The following IREB2 variants were observed in gnomAD, a reference collection of about 807,000 sequenced individuals.
IREB2 encodes the protein iron-responsive element-binding protein 2.
IREB2 carries 39 observed loss-of-function variants against 118.8 expected under a neutral mutation model. The observed-to-expected ratio is 0.33, with a 90% CI of 0.25 to 0.43. IREB2 has a LOEUF of 0.43. IREB2 is among the 20% of genes least tolerant of loss of function. The pLI is 1.00. For missense variants in IREB2, 900 were observed against 1,147.3 expected, an observed-to-expected ratio of 0.78 and a Z score of 3.11; for synonymous variants, 372 against 392.2, an observed-to-expected ratio of 0.95 and a Z score of 0.61.
In IREB2 at chr15:78,466,446, A is replaced by G. The variant is rs1345933538; in HGVS notation, c.586A>G (p.Asn196Asp). 6.2e-7 allele frequency: 1 copy of G among 1,614,160 alleles called. No individual in the cohort carries two copies. The highest frequency in any genetic ancestry group is 8.5e-7 in the Non-Finnish European group (1 of 1,180,010). ...NSGTFSSQIE[N>D]TPILCPFHLQ... The stretch of plus-strand genomic sequence containing the variant: ...AGGAACATTTTCTTCGCAGATTGAG[A>G]ATACACCCATCCTGTGTCCTTTTCA... Residue 196 changes from asparagine (N) to aspartate (D), a missense_variant, in exon 5 of 22, where the codon AAT becomes GAT. Physicochemically the swap from Asn to Asp is conservative, Grantham distance 23. Coordinates refer to ENST00000258886, the MANE Select transcript of IREB2 (RefSeq NM_004136.4).
In IREB2 at chr15:78,460,784, A is replaced by G. The variant is rs546812712; in HGVS notation, c.107-2138A>G. 2.0e-3 allele frequency among the ~76,000 whole-genome samples: 304 copies of G among 152,310 alleles called. 1 individual carries two copies. The highest frequency in any genetic ancestry group is 6.8e-3 in the African/African-American group (284 of 41,558). On this transcript the variant is annotated intron_variant, in intron 2 of 21. Transcript: ENST00000258886. ...ATCATGAGTTCGTATCCATGTTTAT[A>G]ATTGAAATGTAAGGACTTAACTTGG...
At chr15:78,466,630 T>A in intron 5 of IREB2, 141 bp downstream of exon 5, 1 of 622,016 alleles carries the variant, frequency 1.6e-6, no homozygotes, top group South Asian at 2.0e-5. Flanking sequence ...ATGTATTTCC[T>A]GTTATACTAA....
At chr15:78,476,159 G>T in intron 8 of IREB2, 29 bp from the exon 9 acceptor site, 2 of 1,493,870 alleles carry the variant, frequency 1.3e-6, no homozygotes, top group Non-Finnish European at 1.8e-6. Flanking sequence ...TTGCAATTTT[G>T]TATGTGTTTC....
chr15:78,478,804 T>C (rs2051519437), intron 10 of IREB2, among the ~76,000 whole-genome samples: 1 of 152,156 alleles, frequency 6.6e-6, no homozygotes, highest in Non-Finnish European at 1.5e-5. Context: ...TTGGGCAATT[T>C]ATTTAGCCTT....
At chr15:78,495,381 G>T (rs1253304689) in intron 20 of IREB2, among the ~76,000 whole-genome samples, 2 of 152,126 alleles carry the variant, frequency 1.3e-5, no homozygotes, top group Non-Finnish European at 2.9e-5. Flanking sequence ...TATATGGCAG[G>T]TGATGCTTGG....
At chr15:78,444,326 A>C (rs2050893252) in intron 2 of IREB2, among the ~76,000 whole-genome samples, 1 of 152,122 alleles carries the variant, frequency 6.6e-6, no homozygotes, top group East Asian at 1.9e-4. Flanking sequence ...AGCATAATGG[A>C]AACATGAATG....
intron 18 of IREB2, among the ~76,000 whole-genome samples, chr15:78,493,428 A>G (rs949285487): frequency 6.6e-6 from 1 of 152,228 alleles, no homozygotes; most frequent in African/African-American, 2.4e-5. Flanking sequence ...AAATCGATGT[A>G]TAAGTGGACC....
chr15:78,452,344 G>C (rs1185565495), intron 2 of IREB2, among the ~76,000 whole-genome samples: 1 of 152,128 alleles, frequency 6.6e-6, no homozygotes, highest in Admixed American at 6.5e-5. Flanking sequence ...GAACATACCA[G>C]TATTAAAGTA....
chr15:78,452,182 G>A (rs12916396), intron 2 of IREB2, among the ~76,000 whole-genome samples: 32,371 of 152,022 alleles, frequency 0.21, 4,043 homozygotes, highest in East Asian at 0.33. Flanking sequence ...TAGGAGAGAG[G>A]CATTGAGGAA....
At chr15:78,469,513 C>A (rs1213830383) in intron 5 of IREB2, among the ~76,000 whole-genome samples, 1 of 151,598 alleles carries the variant, frequency 6.6e-6, no homozygotes, top group East Asian at 1.9e-4. Context: ...CACCTGAGAT[C>A]GGGAGTTTGA....
At chr15:78,485,599 C>A (rs2051645928) in intron 12 of IREB2, 106 bp from the exon 13 acceptor site, 6 of 1,141,760 alleles carry the variant, frequency 5.3e-6, no homozygotes, top group Non-Finnish European at 7.4e-6. Context: ...TTTATGAATT[C>A]ATACTTTAAT....
chr15:78,465,697 C>T (rs371591951), intron 4 of IREB2, among the ~76,000 whole-genome samples: 5 of 151,766 alleles, frequency 3.3e-5, no homozygotes, highest in East Asian at 3.9e-4. Flanking sequence ...CAGAAAGAAT[C>T]GAAAGATGTG....
At chr15:78,460,139 G>A (rs976798478) in intron 2 of IREB2, among the ~76,000 whole-genome samples, 8 of 152,130 alleles carry the variant, frequency 5.3e-5, no homozygotes, top group Admixed American at 2.0e-4. Flanking sequence ...TTGTAAGCGC[G>A]CCATCCACAT....
Position 78,455,841 on chromosome 15 carries a change from G to A in IREB2, c.107-7081G>A, listed in dbSNP as rs1015634566. On this transcript the variant is annotated intron_variant, in intron 2 of 21. Transcript: ENST00000258886. ...ACCAAAAGCAACAGTAAAGATTTAT[G>A]ACAGTCACAGTTTCTGTAGGTCAGG... is the stretch of plus-strand genomic sequence containing the variant. Among the ~76,000 whole-genome samples the A allele has an allele frequency of 7.2e-5, 11 of 152,308 alleles. 1 individual carries two copies. The South Asian group carries it at 2.3e-3, about 32-fold the overall frequency.
chr15:78,438,251 C>G lies in IREB2; in HGVS notation c.-87C>G, dbSNP rs1268990242. The G allele has an allele frequency of 1.9e-6, 2 of 1,045,504 alleles. No homozygotes were observed. The highest frequency in any genetic ancestry group is 2.9e-6 in the Non-Finnish European group (2 of 684,674). The allele number at this position is 1,045,504 out of a possible 1,614,324, so 64.8% of individuals were successfully genotyped here. On this transcript the variant is annotated 5_prime_UTR_variant, in exon 1 of 22. Coordinates refer to ENST00000258886, the MANE Select transcript of IREB2 (RefSeq NM_004136.4). ...CCTTCTTTCCTCCCTTGCCAGTCCG[C>G]CTGTCTTCCTCCCCGTCTTCCCTGC...
At chr15:78,483,274 G>T in intron 10 of IREB2, 44 bp from the exon 11 acceptor site, 1 of 910,024 alleles carries the variant, frequency 1.1e-6, no homozygotes, top group South Asian at 1.4e-5. Flanking sequence ...CTGTCGTAAG[G>T]AATTAATTCT....
At chr15:78,497,072 CAAT>C in intron 20 of IREB2, 51 bp from the exon 21 acceptor site, 1 of 1,432,198 alleles carries the variant, frequency 7.0e-7, no homozygotes, top group South Asian at 1.2e-5. Flanking sequence ...TTTAAATGCT[CAAT>C]AAATAACTTT....
chr15:78,439,791 TCAGGATACG>T lies in IREB2; in HGVS notation c.20-2_26del. On this transcript the variant is annotated splice_acceptor_variant and splice_polypyrimidine_tract_variant and coding_sequence_variant and intron_variant, in exon 2 of 22. Coordinates refer to ENST00000258886, the MANE Select transcript of IREB2 (RefSeq NM_004136.4). LOFTEE classifies it high-confidence loss of function. ...ATTTAATGAAAATACAATTTTTTTT[TCAGGATACG>T]CCTTTGAGTACCTTATTGAAACATT... The T allele has an allele frequency of 6.5e-7, 1 of 1,542,214 alleles. No homozygotes were observed. Among genetic ancestry groups the T allele is most frequent in the Admixed American group, 1.9e-5 (1 of 51,372 alleles).
chr15:78,475,972 A>G, intron 8 of IREB2: 2 of 377,198 alleles, frequency 5.3e-6, no homozygotes, highest in Non-Finnish European at 4.7e-6. Context: ...GCCCCTTTCT[A>G]CCCTGATTAA....
Sources: allele counts gnomAD v4.1 joint callset (sites outside exome capture counted in the v4.1 genomes callset), GRCh38; gene constraint gnomAD v4.1.1; transcripts MANE v1.5; gene names NCBI Gene and HGNC (gene_info 2026-07-23, HGNC 2026-07-21).